The following JAK1 variants were observed in gnomAD, a reference collection of about 807,000 sequenced individuals.
JAK1 encodes tyrosine-protein kinase JAK1.
A neutral mutation model predicts 136.6 loss-of-function variants in JAK1; 16 were observed. That is an observed-to-expected ratio of 0.12 (90% CI 0.08 to 0.18). The LOEUF (loss-of-function observed/expected upper bound fraction) is 0.18. Among genes scored for constraint, JAK1 ranks in the 10% least tolerant of loss-of-function variants. JAK1 has a pLI of 1.00. For missense variants in JAK1, 859 were observed against 1,450.1 expected (o/e 0.59, Z 6.62); for synonymous variants, 492 against 519.5 (o/e 0.95, Z 0.72).
At chr1:64,866,175 A>G (rs1656692201) in intron 7 of JAK1, among the ~76,000 whole-genome samples, 1 of 152,132 alleles carries the variant, frequency 6.6e-6, no homozygotes, top group Non-Finnish European at 1.5e-5. Context: ...TTTCTTCACA[A>G]CCTTATGAGT....
intron 17 of JAK1, among the ~76,000 whole-genome samples, chr1:64,843,848 C>G (rs1488146576): frequency 6.6e-6 from 1 of 152,208 alleles, no homozygotes; most frequent in African/African-American, 2.4e-5. Flanking sequence ...AACAACCCTA[C>G]AAGTAGTTAC....
At chr1:65,061,986 T>C (rs1029880468) in intron 1 of JAK1, among the ~76,000 whole-genome samples, 2 of 152,160 alleles carry the variant, frequency 1.3e-5, no homozygotes, top group African/African-American at 4.8e-5. Context: ...TTTTACTGAC[T>C]TTGAGCACTG....
intron 1 of JAK1, among the ~76,000 whole-genome samples, chr1:64,940,149 A>C (rs1645862286): frequency 1.3e-5 from 2 of 152,176 alleles, no homozygotes; most frequent in South Asian, 4.1e-4. Context: ...CGGTAAGTTG[A>C]CAGAAAAACA....
rs578053890 is a variant in JAK1 at position 64,884,958 on chromosome 1, G to A, written c.6+1301C>T. 3.6e-4 allele frequency among the ~76,000 whole-genome samples: 55 copies of A among 152,244 alleles called. No homozygotes were observed. In the South Asian group the frequency reaches 4.1e-3, roughly 11 times the overall value. The stretch of plus-strand genomic sequence containing the variant: ...GGGTGCTTGCAGAATGACCCAAGGA[G>A]GCTCCCCCAAACAAGAAAAGTCATA... On this transcript the variant is annotated intron_variant, in intron 2 of 24. Transcript: ENST00000342505.
intron 1 of JAK1, among the ~76,000 whole-genome samples, chr1:64,928,796 A>AAAAAAAAAAAAAAAAAAAAAAAAAAT (rs58742571): frequency 8.0e-6 from 1 of 125,268 alleles, no homozygotes; most frequent in Non-Finnish European, 1.6e-5. Context: ...AAAAAAAAAA[A>AAAAAAAAAAAAAAAAAAAAAAAAAAT]CAAAAAAAAA....
At chr1:64,848,012 AC>A in intron 12 of JAK1, 1 of 217,278 alleles carries the variant, frequency 4.6e-6, no homozygotes, top group Non-Finnish European at 9.0e-6. Flanking sequence ...CATGGGTCCC[AC>A]CCCAGGCCTC....
chr1:64,867,214 A>G lies in JAK1; in HGVS notation c.648-6T>C. ...CTGGAATATATCGCTTGTAGCTAAA[A>G]GACAGTAGAAAAGTACATCTCCTTT... On this transcript the variant is annotated splice_region_variant and splice_polypyrimidine_tract_variant and intron_variant, in intron 6 of 24. Coordinates refer to ENST00000342505, the MANE Select transcript of JAK1 (RefSeq NM_002227.4). The G allele has an allele frequency of 6.3e-7, 1 of 1,577,132 alleles. No individual in the cohort carries two copies. The highest frequency in any genetic ancestry group is 1.1e-5 in the South Asian group (1 of 88,420).
intron 2 of JAK1, among the ~76,000 whole-genome samples, chr1:65,015,864 A>G (rs1646888134): frequency 6.6e-6 from 1 of 152,198 alleles, no homozygotes; most frequent in Non-Finnish European, 1.5e-5. Context: ...ATCCCAAAGA[A>G]TAGAAAGCGG....
chr1:64,850,854 G>A lies in JAK1; in HGVS notation c.1705C>T (p.Pro569Ser), dbSNP rs748626914. Residue 569 changes from proline to serine, a missense_variant, in exon 12 of 25, where the codon CCC becomes TCC. By Grantham distance (74) the Pro-to-Ser change is moderately conservative (BLOSUM62 -1). This residue lies in a region of JAK1 where 409 missense variants were observed against 753.8 expected (regional missense o/e 0.54). Transcript: ENST00000342505. ...KKAQEWQPVY[P>S]MSQLSFDRIL... ...CGATCGAAACTCAGCTGGCTCATGG[G>A]GTAGACGGGCTGCCACTCCTGGGCT... 1.2e-6 allele frequency: 2 copies of A among 1,614,124 alleles called. No homozygotes were observed. The highest frequency in any genetic ancestry group is 1.7e-6 in the Non-Finnish European group (2 of 1,180,010).
rs141101213 is a variant in JAK1, at chr1:64,857,245, G to A, written c.1458+411C>T. Among the ~76,000 whole-genome samples the A allele has an allele frequency of 9.9e-4, 151 of 152,338 alleles. 1 individual carries two copies. The Middle Eastern group carries it at 0.027, about 27-fold the overall frequency. On this transcript the variant is annotated intron_variant, in intron 10 of 24. Transcript: ENST00000342505. ...CATGTGGATGAAGTGGCATTTGGGC[G>A]CTGGTTTGTACCAGTGAATGCTGTA...
At chr1:64,946,818 T>C (rs1645996437) in intron 1 of JAK1, among the ~76,000 whole-genome samples, 1 of 152,116 alleles carries the variant, frequency 6.6e-6, no homozygotes, top group African/African-American at 2.4e-5. Flanking sequence ...CACCCAAGCA[T>C]CCAACAACAT....
At chr1:64,961,249 T>C (rs924638976) in intron 1 of JAK1, among the ~76,000 whole-genome samples, 1 of 152,210 alleles carries the variant, frequency 6.6e-6, no homozygotes, top group African/African-American at 2.4e-5. Flanking sequence ...CTTCATGACA[T>C]CTTGCTTGGC....
chr1:65,066,083 C>T (rs1350815168), intron 1 of JAK1, among the ~76,000 whole-genome samples: 1 of 152,130 alleles, frequency 6.6e-6, no homozygotes, highest in African/African-American at 2.4e-5. Context: ...TAACTAAGAA[C>T]CCTGGAGAGC....
intron 2 of JAK1, among the ~76,000 whole-genome samples, chr1:64,981,001 G>A (rs1646540512): frequency 6.6e-6 from 1 of 152,062 alleles, no homozygotes; most frequent in African/African-American, 2.4e-5. Flanking sequence ...TCTACCTCAA[G>A]CATTTTCCAA....
rs1570595401 is a variant in JAK1, at chr1:64,833,765, T to G, written c.*797A>C. ...GGTAGAGTTATAAAAGGATATACATTGACGTTTCTTAAAAGCATGTGTAAT... is the reference window on the plus strand; with the variant it reads ...GGTAGAGTTATAAAAGGATATACATGGACGTTTCTTAAAAGCATGTGTAAT... On this transcript the variant is annotated 3_prime_UTR_variant, in exon 25 of 25. Transcript: ENST00000342505. The G allele has an allele frequency of 1.3e-5, 3 of 233,114 alleles. No homozygotes were observed. The East Asian group carries it at 1.8e-4, about 14-fold the overall frequency. The allele number at this position is 233,114 out of a possible 1,614,324, so 14.4% of individuals were successfully genotyped here.
At chr1:65,010,719 A>T (rs1338695273) in intron 2 of JAK1, among the ~76,000 whole-genome samples, 1 of 152,216 alleles carries the variant, frequency 6.6e-6, no homozygotes, top group South Asian at 2.1e-4. Context: ...GGTGGCTTAC[A>T]CCTGTAATCC....
At chr1:64,920,189 A>G (rs1645470297) in intron 1 of JAK1, among the ~76,000 whole-genome samples, 1 of 152,214 alleles carries the variant, frequency 6.6e-6, no homozygotes. Context: ...AAGTATTTCC[A>G]AATCTGAAAT....
chr1:64,867,532 G>A (rs537012872), intron 6 of JAK1, among the ~76,000 whole-genome samples: 6 of 151,778 alleles, frequency 4.0e-5, no homozygotes, highest in Non-Finnish European at 8.8e-5. Flanking sequence ...GTGCACATTA[G>A]TACTCACATC....
chr1:65,021,987 A>T (rs1024571752), intron 2 of JAK1, among the ~76,000 whole-genome samples: 5 of 152,206 alleles, frequency 3.3e-5, no homozygotes, highest in African/African-American at 1.2e-4. Context: ...GGAAACAGCA[A>T]TAACACAACG....
Sources: allele counts gnomAD v4.1 joint callset (sites outside exome capture counted in the v4.1 genomes callset), GRCh38; gene constraint gnomAD v4.1.1; regional missense constraint gnomAD v4.1.1; transcripts MANE v1.5; gene names NCBI Gene and HGNC (gene_info 2026-07-23, HGNC 2026-07-21).